Variants in SLC16A9 observed in about 807,000 individuals in gnomAD.
The protein encoded by SLC16A9 is monocarboxylate transporter 9.
In SLC16A9, 26 loss-of-function variants were observed where a neutral mutation model predicts 44.3. The ratio of observed to expected loss-of-function variants is 0.59; its 90% CI spans 0.43 to 0.81. The LOEUF (loss-of-function observed/expected upper bound fraction) is 0.81. SLC16A9 is among the 40% of genes least tolerant of loss of function. The probability of loss-of-function intolerance (pLI) is 0.00; values close to 1 mark genes in which losing one functional copy is unlikely to be tolerated. For missense variants in SLC16A9, 559 were observed against 595.8 expected (o/e 0.94, Z 0.64); for synonymous variants, 230 against 225.1 (o/e 1.02, Z -0.19).
chr10:59,703,716 T>C (rs1840576539), intron 1 of SLC16A9, among the ~76,000 whole-genome samples: 1 of 152,092 alleles, frequency 6.6e-6, no homozygotes, highest in Non-Finnish European at 1.5e-5. Flanking sequence ...ATTGCTGATT[T>C]TTTTTTTTCG....
At chr10:59,703,751 C>T (rs1840577920) in intron 1 of SLC16A9, among the ~76,000 whole-genome samples, 2 of 150,330 alleles carry the variant, frequency 1.3e-5, no homozygotes, top group Admixed American at 6.6e-5. Context: ...CGAAGTCTTG[C>T]TGTGTCGCCC....
rs1166969816 is a variant in SLC16A9, at chr10:59,654,303, C to G, written c.723G>C (p.Thr241=). 2 of 1,614,042 alleles carry G rather than the reference C, an allele frequency of 1.2e-6. No individual in the cohort carries two copies. The highest frequency in any genetic ancestry group is 2.7e-5 in the African/African-American group (2 of 74,918). Residue 241 remains threonine (T), a synonymous_variant, in exon 5 of 6, where the codon ACG becomes ACC. Coordinates refer to ENST00000395348, the MANE Select transcript of SLC16A9 (RefSeq NM_194298.3). ...CTTGTTTCCAGTCACCATTGGCTAA[C>G]GTGATCCTGCATTTTTCCTCACTAC... ...SYSSEEKCRI[T]LANGDWKQDS...
intron 5 of SLC16A9, 128 bp from the exon 6 acceptor site, chr10:59,653,078 G>T: frequency 3.2e-6 from 2 of 619,446 alleles, no homozygotes; most frequent in Admixed American, 3.9e-5. Context: ...CTTCCAGCGT[G>T]GTTTACTGGG....
chr10:59,688,713 A>G (rs1215802111), intron 1 of SLC16A9, among the ~76,000 whole-genome samples: 4 of 151,632 alleles, frequency 2.6e-5, no homozygotes, highest in African/African-American at 9.7e-5. Context: ...TATGATAGAA[A>G]TAGCCAAACA....
At chr10:59,657,929 C>A (rs1485632285) in intron 4 of SLC16A9, among the ~76,000 whole-genome samples, 2 of 152,110 alleles carry the variant, frequency 1.3e-5, no homozygotes, top group South Asian at 2.1e-4. Context: ...GGGATGGGGG[C>A]TGGATATGCC....
chr10:59,653,703 A>G lies in SLC16A9; in HGVS notation c.1323T>C (p.Leu441=), dbSNP rs1360518771. ...AYGILMFFAG[L]GNSLGPPIVG... The stretch of plus-strand genomic sequence containing the variant: ...CGATGGGTGGTCCTAGGCTATTTCC[A>G]AGTCCAGCAAAGAACATTAATATCC... Residue 441 remains leucine (L), a synonymous_variant, in exon 5 of 6, where the codon CTT becomes CTC. Coordinates refer to ENST00000395348, the MANE Select transcript of SLC16A9 (RefSeq NM_194298.3). The G allele has an allele frequency of 1.2e-6, 2 of 1,613,660 alleles. No individual in the cohort carries two copies. The highest frequency in any genetic ancestry group is 1.7e-6 in the Non-Finnish European group (2 of 1,179,754).
In SLC16A9 at chr10:59,653,881, A is replaced by G. The variant is rs1238365792; in HGVS notation, c.1145T>C (p.Met382Thr). 2 of 1,614,208 alleles carry G rather than the reference A, an allele frequency of 1.2e-6. No individual in the cohort carries two copies. The highest frequency in any genetic ancestry group is 1.7e-6 in the Non-Finnish European group (2 of 1,180,032). ...TGGAATTGCACACAAGGCTAGGCCC[A>G]TGATGATTAAGGTAGCAACATAAAG... is the stretch of plus-strand genomic sequence containing the variant. ...LYLYVATLII[M>T]GLALCAIPFA... is the part of the protein sequence containing the mutation. Residue 382 changes from methionine to threonine, a missense_variant, in exon 5 of 6, where the codon ATG becomes ACG. Transcript: ENST00000395348.
chr10:59,668,349 T>C (rs1839669791), intron 3 of SLC16A9, among the ~76,000 whole-genome samples: 1 of 152,188 alleles, frequency 6.6e-6, no homozygotes, highest in Non-Finnish European at 1.5e-5. Context: ...CTTAGGCTAC[T>C]GAAATGTCCT....
chr10:59,654,682 G>T, intron 4 of SLC16A9, 93 bp from the exon 5 acceptor site: 1 of 956,054 alleles, frequency 1.0e-6, no homozygotes, highest in Non-Finnish European at 1.5e-6. Flanking sequence ...TTTTATACTG[G>T]CATTTATATG....
chr10:59,698,406 T>A (rs2132537917), intron 1 of SLC16A9, among the ~76,000 whole-genome samples: 1 of 152,320 alleles, frequency 6.6e-6, no homozygotes, highest in South Asian at 2.1e-4. Flanking sequence ...AACCCCACAC[T>A]TTAACGTGGC....
chr10:59,677,179 A>G (rs1486691981), intron 2 of SLC16A9, among the ~76,000 whole-genome samples: 3 of 151,850 alleles, frequency 2.0e-5, no homozygotes, highest in Admixed American at 1.3e-4. Context: ...TCAAGAGCCA[A>G]TATTATTGTT....
chr10:59,689,091 A>G (rs1840198645), intron 1 of SLC16A9, among the ~76,000 whole-genome samples: 1 of 152,122 alleles, frequency 6.6e-6, no homozygotes, highest in Non-Finnish European at 1.5e-5. Context: ...ATGCACATCA[A>G]CTCTGACTAG....
intron 3 of SLC16A9, among the ~76,000 whole-genome samples, chr10:59,670,443 G>C (rs1241817515): frequency 6.6e-6 from 1 of 152,134 alleles, no homozygotes; most frequent in African/African-American, 2.4e-5. Flanking sequence ...TTACAAATGA[G>C]AACACAGAAG....
At chr10:59,685,272 C>CTTAT (rs755522365) in intron 1 of SLC16A9, among the ~76,000 whole-genome samples, 3 of 152,048 alleles carry the variant, frequency 2.0e-5, no homozygotes, top group Non-Finnish European at 4.4e-5. Flanking sequence ...TGTATGCTTG[C>CTTAT]TTATTTATTT....
intron 4 of SLC16A9, among the ~76,000 whole-genome samples, chr10:59,662,420 A>C (rs1430797433): frequency 3.9e-5 from 6 of 151,910 alleles, no homozygotes; most frequent in Non-Finnish European, 8.8e-5. Flanking sequence ...GCAGATCACA[A>C]GGTCAGGAGT....
intron 4 of SLC16A9, among the ~76,000 whole-genome samples, chr10:59,656,929 G>T (rs7098081): frequency 1.3e-5 from 2 of 152,090 alleles, no homozygotes; most frequent in Non-Finnish European, 2.9e-5. Context: ...ATTAAATGGC[G>T]TTCAGGGAAC....
At chr10:59,696,522 C>T (rs1447207835) in intron 1 of SLC16A9, among the ~76,000 whole-genome samples, 1 of 152,106 alleles carries the variant, frequency 6.6e-6, no homozygotes, top group Non-Finnish European at 1.5e-5. Context: ...TGCCCGGCCG[C>T]CACCCCGTCT....
chr10:59,672,624 A>G (rs1839775179), intron 3 of SLC16A9, 146 bp downstream of exon 3: 2 of 826,222 alleles, frequency 2.4e-6, no homozygotes, highest in South Asian at 4.4e-5. Context: ...TCACTAAAGC[A>G]ACAGTTTTTG....
chr10:59,703,781 A>C (rs144440928), intron 1 of SLC16A9, among the ~76,000 whole-genome samples: 10 of 150,064 alleles, frequency 6.7e-5, no homozygotes, highest in African/African-American at 2.5e-4. Context: ...TGCAGTGGCG[A>C]GATCTCGGCT....
Sources: allele counts gnomAD v4.1 joint callset (sites outside exome capture counted in the v4.1 genomes callset), GRCh38; gene constraint gnomAD v4.1.1; transcripts MANE v1.5; gene names NCBI Gene and HGNC (gene_info 2026-07-23, HGNC 2026-07-21).